CENPS: variants seen among roughly 807,000 people sequenced by gnomAD.
CENPS encodes the protein centromere protein S.
A neutral mutation model predicts 17.9 loss-of-function variants in CENPS; 16 were observed. The observed-to-expected ratio is 0.90, with a 90% CI of 0.61 to 1.36. CENPS has a LOEUF of 1.36. Ranked by LOEUF, CENPS falls within the 40% of genes most tolerant of loss-of-function variation. CENPS has a pLI of 0.00. For missense variants in CENPS, 160 were observed against 158.6 expected (o/e 1.01, Z -0.05); for synonymous variants, 49 against 55.8 (o/e 0.88, Z 0.54).
At chr1:10,439,093 C>T (rs748887046) in intron 3 of CENPS, among the ~76,000 whole-genome samples, 8 of 152,102 alleles carry the variant, frequency 5.3e-5, no homozygotes, top group East Asian at 1.9e-4. Flanking sequence ...TTGTCAATCA[C>T]GATGAGATGA....
At position 10,430,749 on chromosome 1, in the gene CENPS, C is replaced by T. The variant is rs1639868726; in HGVS notation, c.51+181C>T. On this transcript the variant is annotated intron_variant, in intron 1 of 4. Transcript: ENST00000309048. ...TGCTGGGAGGCGGTTTCCGCGGCAA[C>T]GCGGCTGGACCCTGGCCTGCGCTGG... is the stretch of plus-strand genomic sequence containing the variant. 12 of 1,400,020 alleles carry T rather than the reference C, an allele frequency of 8.6e-6. No individual in the cohort carries two copies. In the South Asian group the frequency reaches 1.9e-4, roughly 23 times the overall value. The allele number at this position is 1,400,020 out of a possible 1,614,324, so 86.7% of individuals were successfully genotyped here. A position where few individuals can be genotyped will look rare whatever the true frequency, so the allele number is the denominator to read the frequency against.
chr1:10,431,270 CG>C, intron 1 of CENPS: 5 of 1,534,848 alleles, frequency 3.3e-6, no homozygotes, highest in Non-Finnish European at 4.4e-6. Context: ...TTAAAGAGGA[CG>C]GACTGAAGAA....
chr1:10,436,038 T>C (rs1370633782), intron 3 of CENPS, among the ~76,000 whole-genome samples: 1 of 151,212 alleles, frequency 6.6e-6, no homozygotes, highest in Non-Finnish European at 1.5e-5. Context: ...AGTGCAGTGG[T>C]GCAATCTTGG....
intron 3 of CENPS, among the ~76,000 whole-genome samples, chr1:10,437,555 C>T (rs1240927986): frequency 6.6e-6 from 1 of 151,640 alleles, no homozygotes; most frequent in African/African-American, 2.4e-5. Flanking sequence ...CTCCTGGGTT[C>T]AAGTGATTCT....
chr1:10,433,708 A>G, intron 1 of CENPS, 134 bp from the exon 2 acceptor site: 1 of 1,489,798 alleles, frequency 6.7e-7, no homozygotes, highest in Admixed American at 2.2e-5. Context: ...TACACTTGAA[A>G]AGCCACTCAG....
At position 10,441,857 on chromosome 1, in the gene CENPS, G is replaced by A. The variant is rs911206080; in HGVS notation, c.277-408G>A. Among the ~76,000 whole-genome samples, 28 of 148,970 alleles carry A rather than the reference G, an allele frequency of 1.9e-4. 1 individual carries two copies. The highest frequency in any genetic ancestry group is 7.4e-5 in the Non-Finnish European group (5 of 67,248). On this transcript the variant is annotated intron_variant, in intron 4 of 4. Transcript: ENST00000309048. ...AGCCAGGATGGTCTCGATCTCCTGAGCTCGTGATCTGTCTGCCTCAGCCTC... is the reference window on the plus strand; with the variant it reads ...AGCCAGGATGGTCTCGATCTCCTGAACTCGTGATCTGTCTGCCTCAGCCTC...
At chr1:10,435,856 G>A (rs904134747) in intron 3 of CENPS, among the ~76,000 whole-genome samples, 47 of 151,562 alleles carry the variant, frequency 3.1e-4, no homozygotes, top group African/African-American at 9.7e-4. Flanking sequence ...TTACAGGTGT[G>A]AGCCACCATG....
rs546721322 is a variant in CENPS, at chr1:10,434,561, C to G, written c.176-96C>G. ...AGAGGGTTTGTTATATTAGTCAAGT[C>G]ACTGTACTGGCTGTAGAAATCAAGG... is the stretch of plus-strand genomic sequence containing the variant. On this transcript the variant is annotated intron_variant, in intron 2 of 4. Transcript: ENST00000309048. 12 of 1,555,424 alleles carry G rather than the reference C, an allele frequency of 7.7e-6. No individual in the cohort carries two copies. The East Asian group carries it at 2.8e-4, about 36-fold the overall frequency.
intron 2 of CENPS, among the ~76,000 whole-genome samples, chr1:10,434,418 G>A (rs1570029363): frequency 6.6e-6 from 1 of 152,120 alleles, no homozygotes; most frequent in Non-Finnish European, 1.5e-5. Flanking sequence ...CACAATTAAC[G>A]GAAGACTTGC....
intron 1 of CENPS, chr1:10,430,887 G>C (rs1016416189): frequency 1.6e-6 from 2 of 1,287,160 alleles, no homozygotes. Flanking sequence ...TGGGGTTTTC[G>C]TGAGGGTACA....
In CENPS at chr1:10,433,985, C is replaced by T; in HGVS notation, c.175+20C>T. 6.2e-7 allele frequency: 1 copy of T among 1,613,896 alleles called. No homozygotes were observed. The highest frequency in any genetic ancestry group is 8.5e-7 in the Non-Finnish European group (1 of 1,179,918). On this transcript the variant is annotated intron_variant, in intron 2 of 4. Transcript: ENST00000309048. ...AGTGTGGTATGAAGCTTCGGCCTCCCCAGCCATGTCTGTAAACCCCAAAGG... is the reference window on the plus strand; with the variant it reads ...AGTGTGGTATGAAGCTTCGGCCTCCTCAGCCATGTCTGTAAACCCCAAAGG...
At chr1:10,430,662 G>A (rs1306848365) in intron 1 of CENPS, 94 bp downstream of exon 1, 100 of 1,461,646 alleles carry the variant, frequency 6.8e-5, no homozygotes, top group Non-Finnish European at 5.3e-5. Flanking sequence ...GCTTCTCATC[G>A]GCACCCCGCC....
At chr1:10,439,273 C>G (rs1199068151) in intron 3 of CENPS, among the ~76,000 whole-genome samples, 2 of 152,158 alleles carry the variant, frequency 1.3e-5, no homozygotes, top group Admixed American at 1.3e-4. Flanking sequence ...CCTATTTATT[C>G]CTGCTTACAA....
intron 3 of CENPS, among the ~76,000 whole-genome samples, chr1:10,438,447 A>G (rs1315272748): frequency 6.6e-6 from 1 of 152,192 alleles, no homozygotes; most frequent in Admixed American, 6.5e-5. Context: ...ACCTGGCCTG[A>G]GTTGTGAATT....
Position 10,430,435 on chromosome 1 carries a change from G to C in CENPS, c.-83G>C. ...TCCGCCCGCGCGGCCCGTCGCTCGC[G>C]CCGCGGCGGGAAAATCCGACCTGGC... is the stretch of plus-strand genomic sequence containing the variant. On this transcript the variant is annotated 5_prime_UTR_variant, in exon 1 of 5. Transcript: ENST00000309048. The C allele has an allele frequency of 6.6e-7, 1 of 1,515,000 alleles. No individual in the cohort carries two copies. Among genetic ancestry groups the C allele is most frequent in the Non-Finnish European group, 8.8e-7 (1 of 1,132,376 alleles). The allele number at this position is 1,515,000 out of a possible 1,614,324, so 93.8% of individuals were successfully genotyped here. A position where few individuals can be genotyped will look rare whatever the true frequency, so the allele number is the denominator to read the frequency against.
At chr1:10,439,545 G>A (rs1354338542) in intron 3 of CENPS, among the ~76,000 whole-genome samples, 3 of 152,126 alleles carry the variant, frequency 2.0e-5, no homozygotes, top group African/African-American at 7.2e-5. Context: ...TTCAAGACCA[G>A]CCTGGCCAAG....
chr1:10,437,445 G>GTTTTTTTTTTT (rs371622694), intron 3 of CENPS, among the ~76,000 whole-genome samples: 2 of 132,756 alleles, frequency 1.5e-5, no homozygotes, highest in South Asian at 2.5e-4. Flanking sequence ...AGCAGGGGCT[G>GTTTTTTTTTTT]TTTTTTTTTT....
Position 10,433,979 on chromosome 1 carries a change from G to A in CENPS, c.175+14G>A, listed in dbSNP as rs374891472. 2 of 1,614,004 alleles carry A rather than the reference G, an allele frequency of 1.2e-6. No individual in the cohort carries two copies. Among genetic ancestry groups the A allele is most frequent in the African/African-American group, 1.3e-5 (1 of 75,030 alleles). On this transcript the variant is annotated intron_variant, in intron 2 of 4. Coordinates refer to ENST00000309048, the MANE Select transcript of CENPS (RefSeq NM_199294.3). ...TCCGACAGTGTGGTATGAAGCTTCG[G>A]CCTCCCCAGCCATGTCTGTAAACCC...
intron 1 of CENPS, chr1:10,431,082 G>C (rs960415151): frequency 4.4e-5 from 60 of 1,378,288 alleles, no homozygotes; most frequent in Non-Finnish European, 5.1e-5. Flanking sequence ...ACTTGTGATC[G>C]TATCGACTCG....
Sources: allele counts gnomAD v4.1 joint callset (sites outside exome capture counted in the v4.1 genomes callset), GRCh38; gene constraint gnomAD v4.1.1; transcripts MANE v1.5; gene names NCBI Gene and HGNC (gene_info 2026-07-23, HGNC 2026-07-21).